Variants in SETD1B observed in about 807,000 individuals in gnomAD.
SETD1B encodes SET domain containing 1B, histone lysine methyltransferase.
In SETD1B, 7 loss-of-function variants were observed where a neutral mutation model predicts 148.0. That is an observed-to-expected ratio of 0.05 (90% CI 0.03 to 0.09). SETD1B has a LOEUF of 0.09. Among genes scored for constraint, SETD1B ranks in the 10% least tolerant of loss-of-function variants. SETD1B has a pLI of 1.00. For missense variants in SETD1B, 2,155 were observed against 2,729.9 expected (o/e 0.79, Z 4.69); for synonymous variants, 1,361 against 1,186.5 (o/e 1.15, Z -3.02).
intron 6 of SETD1B, among the ~76,000 whole-genome samples, chr12:121,812,688 C>T (rs1225812404): frequency 6.6e-6 from 1 of 152,036 alleles, no homozygotes; most frequent in Non-Finnish European, 1.5e-5. Context: ...GGGGAGTGCT[C>T]TCTGAGGATC....
intron 4 of SETD1B, among the ~76,000 whole-genome samples, chr12:121,807,458 A>G (rs1473276865): frequency 6.8e-6 from 1 of 146,292 alleles, no homozygotes; most frequent in African/African-American, 2.6e-5. Context: ...AAAAAAAAAA[A>G]AAAGAAAAGA....
At chr12:121,792,485 G>A in the SETD1B span, among the ~76,000 whole-genome samples, 1 of 152,338 alleles carries the variant, frequency 6.6e-6, no homozygotes, top group South Asian at 2.1e-4. Context: ...CCTGGTGTGG[G>A]GCCCCTGCCC....
Position 121,810,005 on chromosome 12 carries a change from T to TTCGGAGCAG in SETD1B, c.1065_1073dup (p.Ala356_Gly358dup). The TTCGGAGCAG allele has an allele frequency of 1.3e-6, 2 of 1,550,532 alleles. No homozygotes were observed. The highest frequency in any genetic ancestry group is 3.3e-4 in the Middle Eastern group (2 of 5,990). On this transcript the variant is annotated inframe_insertion, in exon 6 of 17. Coordinates refer to ENST00000604567, the MANE Select transcript of SETD1B (RefSeq NM_001353345.2). The surrounding 1 kb of genome is among the most constrained non-coding windows in gnomAD (Gnocchi z 7.6). ...TTTCCGGGGTTCCTCGGACCTCCCG[T>TTCGGAGCAG]TCGGAGCAGTCGGCGGCACTGGGGG...
intron 6 of SETD1B, among the ~76,000 whole-genome samples, chr12:121,813,338 G>GT (rs1876131923): frequency 6.6e-6 from 1 of 152,138 alleles, no homozygotes; most frequent in Non-Finnish European, 1.5e-5. Flanking sequence ...CACACTTCCT[G>GT]TTTATGGGCC....
rs554428286 is a variant in SETD1B at position 121,809,677 on chromosome 12, C to A, written c.732C>A (p.Thr244=). 1 of 1,551,672 alleles carries A rather than the reference C, an allele frequency of 6.4e-7. No homozygotes were observed. The highest frequency in any genetic ancestry group is 1.4e-5 in the African/African-American group (1 of 73,170). The part of the protein sequence containing the change: ...AGCGSGSSSV[T]PNSGGTPFSQ... Reference sequence around the variant, plus strand: ...GTGGCTCCGGCTCCTCCTCTGTCACCCCCAATAGCGGTGGGACACCCTTCT... The same window carrying A: ...GTGGCTCCGGCTCCTCCTCTGTCACACCCAATAGCGGTGGGACACCCTTCT... Residue 244 remains threonine, a synonymous_variant, in exon 6 of 17, where the codon ACC becomes ACA. Coordinates refer to ENST00000604567, the MANE Select transcript of SETD1B (RefSeq NM_001353345.2).
chr12:121,793,125 G>A, the SETD1B span: 1 of 1,544,260 alleles, frequency 6.5e-7, no homozygotes, highest in East Asian at 2.4e-5. Context: ...CGGACCCTCG[G>A]GCCCCCCGGC....
Position 121,814,154 on chromosome 12 carries a change from C to G in SETD1B, c.1939C>G (p.Pro647Ala). 1 of 1,548,390 alleles carries G rather than the reference C, an allele frequency of 6.5e-7. No homozygotes were observed. The highest frequency in any genetic ancestry group is 1.7e-4 in the Middle Eastern group (1 of 5,808). Residue 647 changes from proline (P) to alanine (A), a missense_variant, in exon 7 of 17, where the codon CCC becomes GCC. Coordinates refer to ENST00000604567, the MANE Select transcript of SETD1B (RefSeq NM_001353345.2). The stretch of plus-strand genomic sequence containing the variant: ...CATGGAGATCTCGGATGACGAGATG[C>G]CCTCGGCCCCCATCACCAGCGCTGA... ...EDMEISDDEM[P>A]SAPITSADCP...
chr12:121,822,758 C>G lies in SETD1B; in HGVS notation c.4179C>G (p.Ser1393Arg). The G allele has an allele frequency of 6.6e-7, 1 of 1,517,192 alleles. No homozygotes were observed. The highest frequency in any genetic ancestry group is 8.9e-7 in the Non-Finnish European group (1 of 1,125,514). The allele number at this position is 1,517,192 out of a possible 1,614,324, so 94.0% of individuals were successfully genotyped here. Residue 1393 changes from serine to arginine, a missense_variant, in exon 12 of 17, where the codon AGC becomes AGG. By Grantham distance (110) the Ser-to-Arg change is moderately radical (BLOSUM62 -1). Transcript: ENST00000604567. ...GGGAGCCCCCGCTATCAGGGGGCAG[C>G]AGTGGCCTGTCCCTGAGCTCTCCGC... is the stretch of plus-strand genomic sequence containing the variant. ...PGGEPPLSGGSSGLSLSSPQV... is the reference protein window; with the variant it reads ...PGGEPPLSGGRSGLSLSSPQV...
At chr12:121,811,792 A>C (rs913866741) in intron 6 of SETD1B, among the ~76,000 whole-genome samples, 3 of 151,912 alleles carry the variant, frequency 2.0e-5, no homozygotes, top group African/African-American at 7.3e-5. Context: ...GAACGAGAGG[A>C]ACTTGGCTTG....
chr12:121,830,288 G>C lies in SETD1B; in HGVS notation c.*49G>C, dbSNP rs995190002. Reference sequence around the variant, plus strand: ...TGTCAGCCGTAGCCCTGGGACTCCCGAGCGTGGAGCCCCTGGCCCCGGGGC... The same window carrying C: ...TGTCAGCCGTAGCCCTGGGACTCCCCAGCGTGGAGCCCCTGGCCCCGGGGC... On this transcript the variant is annotated 3_prime_UTR_variant, in exon 17 of 17. Coordinates refer to ENST00000604567, the MANE Select transcript of SETD1B (RefSeq NM_001353345.2). The surrounding 1 kb of genome is among the most constrained non-coding windows in gnomAD (Gnocchi z 5.7). 22 of 1,513,898 alleles carry C rather than the reference G, an allele frequency of 1.5e-5. No individual in the cohort carries two copies. Among genetic ancestry groups the C allele is most frequent in the Non-Finnish European group, 2.0e-5 (22 of 1,125,724 alleles). The allele number at this position is 1,513,898 out of a possible 1,614,324, so 93.8% of individuals were successfully genotyped here.
upstream of SETD1B, chr12:121,799,731 TG>T (rs1308261766): frequency 1.9e-4 from 6 of 31,730 alleles, 1 homozygote; most frequent in African/African-American, 6.1e-4. Flanking sequence ...GGGGGGGGGG[TG>T]GGGTGGGGCG....
chr12:121,806,128 G>T (rs370985579), intron 4 of SETD1B, 23 bp downstream of exon 4: 4 of 1,546,658 alleles, frequency 2.6e-6, no homozygotes, highest in Non-Finnish European at 3.5e-6. Flanking sequence ...GGGGAGGAGC[G>T]TGGGGAGACC....
rs2137547996 is a variant in SETD1B at position 121,808,074 on chromosome 12, G to C, written c.545-134G>C. On this transcript the variant is annotated intron_variant, in intron 4 of 16. Transcript: ENST00000604567. The surrounding 1 kb of genome is among the most constrained non-coding windows in gnomAD (Gnocchi z 5.3). ...CGAGGTGCAGAGGGGTGGGAACTCA[G>C]GGCCACACAGCCTCCCTAGGACTGG... is the stretch of plus-strand genomic sequence containing the variant. 1 of 640,644 alleles carries C rather than the reference G, an allele frequency of 1.6e-6. No individual in the cohort carries two copies. Among genetic ancestry groups the C allele is most frequent in the South Asian group, 1.9e-5 (1 of 52,418 alleles). The allele number at this position is 640,644 out of a possible 1,614,324, so 39.7% of individuals were successfully genotyped here.
intron 13 of SETD1B, among the ~76,000 whole-genome samples, chr12:121,826,264 C>T (rs1007691399): frequency 8.6e-4 from 102 of 118,822 alleles, no homozygotes; most frequent in Admixed American, 7.0e-4. Context: ...AAGAAAGAAG[C>T]ACGTAATTCC....
At chr12:121,790,178 CT>C in the SETD1B span, among the ~76,000 whole-genome samples, 3 of 152,248 alleles carry the variant, frequency 2.0e-5, no homozygotes, top group African/African-American at 7.2e-5. Flanking sequence ...ACGAGGGCCC[CT>C]GTGGGCAGCG....
the SETD1B span, among the ~76,000 whole-genome samples, chr12:121,792,897 G>A: frequency 1.3e-5 from 2 of 152,238 alleles, no homozygotes; most frequent in Non-Finnish European, 1.5e-5. Context: ...GGAGAGGAAC[G>A]AGCTGTGGGC....
chr12:121,793,836 G>A, the SETD1B span: 15 of 472,918 alleles, frequency 3.2e-5, no homozygotes, highest in East Asian at 5.6e-4. Flanking sequence ...CTCAGTCCCA[G>A]GGATACTGCA....
chr12:121,817,994 C>A lies in SETD1B; in HGVS notation c.3418+90C>A. On this transcript the variant is annotated intron_variant, in intron 10 of 16. Transcript: ENST00000604567. This position sits in a 1 kb window ranked among gnomAD's most constrained non-coding sequence, Gnocchi z 8.1. ...AGCAATTGTCAGAAATACTTCTGAG[C>A]CAAAATGTTGTGCTTTTGAGACGTT... 1.5e-6 allele frequency: 2 copies of A among 1,305,560 alleles called. No individual in the cohort carries two copies. Among genetic ancestry groups the A allele is most frequent in the Non-Finnish European group, 2.1e-6 (2 of 967,094 alleles). The allele number at this position is 1,305,560 out of a possible 1,614,324, so 80.9% of individuals were successfully genotyped here.
intron 16 of SETD1B, among the ~76,000 whole-genome samples, chr12:121,829,788 T>C (rs1771557591): frequency 6.6e-6 from 1 of 152,072 alleles, no homozygotes; most frequent in Non-Finnish European, 1.5e-5. Flanking sequence ...AGCTCAGAAG[T>C]GAGACCTGAG....
Sources: gnomAD v4.1 joint callset for allele counts (sites outside exome capture counted in the v4.1 genomes callset) on GRCh38, gnomAD v4.1.1 for gene constraint, Gnocchi (gnomAD v3.1) non-coding constraint, MANE v1.5 for transcripts, NCBI Gene and HGNC (gene_info 2026-07-23, HGNC 2026-07-21) for gene names.